The following CTNNA2 variants were observed in gnomAD, a reference collection of about 807,000 sequenced individuals.
The protein encoded by CTNNA2 is catenin alpha-2.
CTNNA2 carries 42 observed loss-of-function variants against 101.0 expected under a neutral mutation model. The ratio of observed to expected loss-of-function variants is 0.42; its 90% CI spans 0.32 to 0.54. The LOEUF (loss-of-function observed/expected upper bound fraction) is 0.54. Ranked by LOEUF, CTNNA2 falls within the 20% of genes least tolerant of loss-of-function variation. CTNNA2 has a pLI of 0.14. For synonymous variants in CTNNA2, 450 were observed against 456.4 expected, an observed-to-expected ratio of 0.99 and a Z score of 0.18; for missense variants, 871 against 1,223.1, an observed-to-expected ratio of 0.71 and a Z score of 4.29.
chr2:79,391,748 T>C (rs946993434), intron 4 of CTNNA2, among the ~76,000 whole-genome samples: 2 of 152,288 alleles, frequency 1.3e-5, no homozygotes, highest in Non-Finnish European at 2.9e-5. Context: ...AACCCAGCAA[T>C]CTGATTGTCC....
chr2:79,277,038 T>C (rs1675229385), intron 2 of CTNNA2, among the ~76,000 whole-genome samples: 1 of 152,068 alleles, frequency 6.6e-6, no homozygotes, highest in African/African-American at 2.4e-5. Context: ...TTTGCTTTTG[T>C]GAAAATGAAT....
At chr2:79,279,970 C>T (rs908447959) in intron 2 of CTNNA2, among the ~76,000 whole-genome samples, 2 of 152,072 alleles carry the variant, frequency 1.3e-5, no homozygotes, top group African/African-American at 4.8e-5. Flanking sequence ...GCTCTCTATC[C>T]TGAAAATGTA....
chr2:80,135,423 G>C (rs1282171157), intron 7 of CTNNA2, among the ~76,000 whole-genome samples: 1 of 152,218 alleles, frequency 6.6e-6, no homozygotes, highest in African/African-American at 2.4e-5. Context: ...GTAGAGTTTT[G>C]AGGTGGGTAG....
intron 3 of CTNNA2, among the ~76,000 whole-genome samples, chr2:79,812,426 T>A (rs917167759): frequency 6.6e-6 from 1 of 152,028 alleles, no homozygotes. Context: ...GTTTGAGGAG[T>A]CACTAGCCTG....
intron 7 of CTNNA2, among the ~76,000 whole-genome samples, chr2:80,073,809 A>G (rs983607294): frequency 2.0e-5 from 3 of 151,628 alleles, no homozygotes; most frequent in Admixed American, 6.6e-5. Context: ...GTTGTTTTAT[A>G]ACATTTGCAA....
intron 3 of CTNNA2, among the ~76,000 whole-genome samples, chr2:79,746,329 G>A (rs1671645546): frequency 6.6e-6 from 1 of 152,074 alleles, no homozygotes; most frequent in African/African-American, 2.4e-5. Flanking sequence ...ACAGTGATTG[G>A]CAAATATTTT....
intron 7 of CTNNA2, among the ~76,000 whole-genome samples, chr2:80,224,386 G>C (rs986749965): frequency 1.3e-5 from 2 of 152,058 alleles, no homozygotes; most frequent in Non-Finnish European, 2.9e-5. Flanking sequence ...TCTTTGCCAG[G>C]TTTTCATATC....
chr2:80,570,634 T>G (rs1694501190), intron 12 of CTNNA2, among the ~76,000 whole-genome samples: 1 of 152,274 alleles, frequency 6.6e-6, no homozygotes, highest in East Asian at 1.9e-4. Flanking sequence ...TATAATAAGA[T>G]GGTTTAAATA....
intron 1 of CTNNA2, among the ~76,000 whole-genome samples, chr2:79,595,331 A>G (rs1014848638): frequency 7.9e-5 from 12 of 152,060 alleles, no homozygotes; most frequent in African/African-American, 2.9e-4. Context: ...TTTATCTTCT[A>G]TATTTACTGT....
At chr2:79,828,249 G>A (rs1276956086) in intron 3 of CTNNA2, among the ~76,000 whole-genome samples, 5 of 152,208 alleles carry the variant, frequency 3.3e-5, no homozygotes, top group African/African-American at 9.6e-5. Flanking sequence ...TATATAGAAG[G>A]CAACACTTTC....
intron 3 of CTNNA2, among the ~76,000 whole-genome samples, chr2:79,340,700 T>G (rs1469470161): frequency 6.6e-6 from 1 of 151,628 alleles, no homozygotes; most frequent in Non-Finnish European, 1.5e-5. Flanking sequence ...AGGCGTGGGT[T>G]GCAGGCGCCT....
chr2:79,748,102 A>G (rs1671763240), intron 3 of CTNNA2, among the ~76,000 whole-genome samples: 1 of 152,168 alleles, frequency 6.6e-6, no homozygotes, highest in South Asian at 2.1e-4. Flanking sequence ...AGAAGCTCTT[A>G]TCTCCATTCT....
At chr2:80,414,148 C>T (rs972880115) in intron 8 of CTNNA2, among the ~76,000 whole-genome samples, 1 of 152,144 alleles carries the variant, frequency 6.6e-6, no homozygotes, top group Non-Finnish European at 1.5e-5. Context: ...AAGCTTTCAT[C>T]CTGAAGGAGA....
At chr2:80,095,779 G>T (rs1202142307) in intron 7 of CTNNA2, among the ~76,000 whole-genome samples, 2 of 151,864 alleles carry the variant, frequency 1.3e-5, no homozygotes, top group South Asian at 2.1e-4. Flanking sequence ...AGATTTTCTA[G>T]TTTATTTGCA....
chr2:79,241,432 G>A (rs1454977835), intron 2 of CTNNA2, among the ~76,000 whole-genome samples: 1 of 152,148 alleles, frequency 6.6e-6, no homozygotes, highest in Non-Finnish European at 1.5e-5. Flanking sequence ...TCAAATTGGA[G>A]TGAATTCCTG....
At chr2:80,057,725 G>A (rs1697319541) in intron 7 of CTNNA2, among the ~76,000 whole-genome samples, 1 of 152,152 alleles carries the variant, frequency 6.6e-6, no homozygotes. Context: ...GCAGGACAAA[G>A]GAAAGGACCA....
At chr2:79,875,494 T>C (rs1682950145) in intron 6 of CTNNA2, among the ~76,000 whole-genome samples, 1 of 152,158 alleles carries the variant, frequency 6.6e-6, no homozygotes, top group Non-Finnish European at 1.5e-5. Flanking sequence ...GATGATGAGC[T>C]TGCTTTTGAA....
chr2:79,388,147 C>T (rs1678125559), intron 4 of CTNNA2, among the ~76,000 whole-genome samples: 1 of 152,106 alleles, frequency 6.6e-6, no homozygotes, highest in South Asian at 2.1e-4. Flanking sequence ...ATTCTGCTGC[C>T]AACCAGTCCC....
chr2:79,418,233 A>T (rs1262721317), intron 4 of CTNNA2, among the ~76,000 whole-genome samples: 2 of 152,132 alleles, frequency 1.3e-5, no homozygotes, highest in Non-Finnish European at 2.9e-5. Context: ...ATCACTGGGG[A>T]AGTTGCGTGT....
Sources: gnomAD v4.1 joint callset for allele counts (sites outside exome capture counted in the v4.1 genomes callset) on GRCh38, gnomAD v4.1.1 for gene constraint, MANE v1.5 for transcripts, NCBI Gene and HGNC (gene_info 2026-07-23, HGNC 2026-07-21) for gene names.